Variants in CEP83 observed in about 807,000 individuals in gnomAD.
The protein encoded by CEP83 is centrosomal protein of 83 kDa.
A neutral mutation model predicts 101.9 loss-of-function variants in CEP83; 70 were observed. The ratio of observed to expected loss-of-function variants is 0.69; its 90% CI spans 0.57 to 0.84. The LOEUF is 0.84. CEP83 is among the 40% of genes least tolerant of loss of function. The pLI is 0.00. For synonymous variants in CEP83, 264 were observed against 267.9 expected (o/e 0.99, Z 0.14); for missense variants, 715 against 787.2 (o/e 0.91, Z 1.10).
the CEP83 span, chr12:94,297,268 T>TA: frequency 6.2e-7 from 1 of 1,613,266 alleles, no homozygotes; most frequent in Non-Finnish European, 8.5e-7. Context: ...ATGCCTTCTG[T>TA]AGCAAGAGTG....
chr12:94,307,625 G>GA (rs1593044782), downstream of CEP83: 2 of 150,946 alleles, frequency 1.3e-5, no homozygotes, highest in African/African-American at 4.9e-5. Flanking sequence ...TCTTGGAGAT[G>GA]AATGTTTTAA....
chr12:94,287,159 G>T, the CEP83 span, among the ~76,000 whole-genome samples: 16 of 152,334 alleles, frequency 1.1e-4, no homozygotes, highest in East Asian at 2.7e-3. Context: ...ACAGAGGAGG[G>T]TGCATTTCTG....
intron 1 of CEP83, among the ~76,000 whole-genome samples, chr12:94,448,293 C>T (rs1156533855): frequency 6.6e-6 from 1 of 151,688 alleles, no homozygotes; most frequent in African/African-American, 2.4e-5. Context: ...CCAAAGAACC[C>T]CAAAATACAT....
At chr12:94,362,689 A>G (rs781481469) in intron 11 of CEP83, among the ~76,000 whole-genome samples, 2 of 152,230 alleles carry the variant, frequency 1.3e-5, no homozygotes. Flanking sequence ...ACAACTGGGT[A>G]TATACCCAAA....
chr12:94,394,851 G>A (rs1262534325), intron 6 of CEP83, among the ~76,000 whole-genome samples: 1 of 152,188 alleles, frequency 6.6e-6, no homozygotes, highest in Non-Finnish European at 1.5e-5. Context: ...CATCTATGCA[G>A]ACAACAGCCA....
At chr12:94,317,895 T>C (rs1463812526) in intron 14 of CEP83, among the ~76,000 whole-genome samples, 1 of 152,214 alleles carries the variant, frequency 6.6e-6, no homozygotes, top group South Asian at 2.1e-4. Flanking sequence ...AGGATTGCTG[T>C]GGCTATTTGG....
At position 94,335,648 on chromosome 12, in the gene CEP83, G is replaced by T. The variant is rs773490479; in HGVS notation, c.1360C>A (p.Gln454Lys). Residue 454 changes from glutamine (Q) to lysine (K), a missense_variant, in exon 12 of 17, where the codon CAA (glutamine) becomes AAA (lysine). Gln to Lys is a moderately conservative substitution (Grantham distance 53, BLOSUM62 1). Coordinates refer to ENST00000397809, the MANE Select transcript of CEP83 (RefSeq NM_016122.3). The part of the protein sequence containing the change: ...LQSVRLKLQQ[Q>K]IVTIENAEKE... Reference sequence around the variant, plus strand: ...TCTGCATTTTCAATAGTCACAATTTGTTGCTGAAGTTTTAACCTAAAAATC... The same window carrying T: ...TCTGCATTTTCAATAGTCACAATTTTTTGCTGAAGTTTTAACCTAAAAATC... 2 of 1,582,354 alleles carry T rather than the reference G, an allele frequency of 1.3e-6. No individual in the cohort carries two copies. Among genetic ancestry groups the T allele is most frequent in the Non-Finnish European group, 1.7e-6 (2 of 1,163,728 alleles).
chr12:94,279,841 C>G, the CEP83 span: 11 of 700,330 alleles, frequency 1.6e-5, no homozygotes, highest in East Asian at 3.0e-4. Flanking sequence ...CCTGATTCTT[C>G]GAAGGAAGCA....
chr12:94,419,172 A>G (rs1446423314), intron 2 of CEP83, among the ~76,000 whole-genome samples: 3 of 152,164 alleles, frequency 2.0e-5, no homozygotes, highest in East Asian at 3.8e-4. Flanking sequence ...AGAGCAATAT[A>G]CAAAAATTAA....
the CEP83 span, chr12:94,294,367 T>C: frequency 1.7e-6 from 1 of 583,456 alleles, no homozygotes. Context: ...TAATTCTTGA[T>C]AAATATTTGA....
downstream of CEP83, chr12:94,305,461 G>A (rs1968909550): frequency 3.5e-6 from 2 of 574,056 alleles, no homozygotes; most frequent in South Asian, 2.2e-5. Context: ...ACCAACCCTT[G>A]TGCCTGTGTG....
At chr12:94,355,841 T>A (rs2060444706) in intron 11 of CEP83, among the ~76,000 whole-genome samples, 1 of 152,238 alleles carries the variant, frequency 6.6e-6, no homozygotes, top group Non-Finnish European at 1.5e-5. Flanking sequence ...ATTCGGCCCA[T>A]CCTTTCGTTT....
At chr12:94,302,851 T>C (rs1197114909), downstream of CEP83, among the ~76,000 whole-genome samples, 1 of 152,226 alleles carries the variant, frequency 6.6e-6, no homozygotes, top group Non-Finnish European at 1.5e-5. Flanking sequence ...TTTATCATTG[T>C]ACTCTCAATG....
At chr12:94,289,892 A>ACTTGG in the CEP83 span, among the ~76,000 whole-genome samples, 2 of 152,208 alleles carry the variant, frequency 1.3e-5, no homozygotes, top group Non-Finnish European at 2.9e-5. Context: ...ATGTTTCTAC[A>ACTTGG]CTTGCTCTTG....
the CEP83 span, chr12:94,277,823 A>G: frequency 1.5e-5 from 6 of 403,476 alleles, no homozygotes; most frequent in East Asian, 4.3e-4. Flanking sequence ...CCCCGTGCTA[A>G]GCCCTTGAAT....
intron 6 of CEP83, among the ~76,000 whole-genome samples, chr12:94,384,124 G>C (rs868520081): frequency 3.3e-5 from 5 of 151,970 alleles, no homozygotes; most frequent in Non-Finnish European, 7.4e-5. Context: ...TTCTCTTTTG[G>C]ATAGGTCTAC....
At chr12:94,414,423 T>C (rs2064121358) in intron 2 of CEP83, among the ~76,000 whole-genome samples, 1 of 152,180 alleles carries the variant, frequency 6.6e-6, no homozygotes, top group African/African-American at 2.4e-5. Context: ...TCAGCAACCA[T>C]CTAAATAGTT....
the CEP83 span, among the ~76,000 whole-genome samples, chr12:94,288,214 G>A: frequency 2.0e-5 from 3 of 152,194 alleles, no homozygotes; most frequent in Admixed American, 6.5e-5. Flanking sequence ...GGTGAATCTC[G>A]TGTCTGTGAG....
intron 3 of CEP83, 108 bp from the exon 4 acceptor site, chr12:94,411,955 C>T: frequency 1.2e-6 from 1 of 833,174 alleles, no homozygotes; most frequent in South Asian, 1.6e-5. Context: ...CAATATCACA[C>T]ATTCCTTTAA....
Sources: allele counts gnomAD v4.1 joint callset (sites outside exome capture counted in the v4.1 genomes callset), GRCh38; gene constraint gnomAD v4.1.1; transcripts MANE v1.5; gene names NCBI Gene and HGNC (gene_info 2026-07-23, HGNC 2026-07-21).